Variants in DNAJC3 observed in about 807,000 individuals in gnomAD.
DNAJC3 encodes DnaJ heat shock protein family (Hsp40) member C3.
In DNAJC3, 38 loss-of-function variants were observed where a neutral mutation model predicts 68.6. That is an observed-to-expected ratio of 0.55 (90% CI 0.43 to 0.73). The LOEUF (loss-of-function observed/expected upper bound fraction) is 0.73, where lower values mean the gene tolerates loss of function less well. Ranked by LOEUF, DNAJC3 falls within the 30% of genes least tolerant of loss-of-function variation. The probability of loss-of-function intolerance (pLI) is 0.00; values close to 1 mark genes in which losing one functional copy is unlikely to be tolerated. For missense variants in DNAJC3, 526 were observed against 591.9 expected (o/e 0.89, Z 1.16); for synonymous variants, 203 against 204.0 (o/e 1.00, Z 0.04).
intron 2 of DNAJC3, among the ~76,000 whole-genome samples, chr13:95,717,328 C>G (rs1269270115): frequency 6.6e-6 from 1 of 152,180 alleles, no homozygotes; most frequent in Non-Finnish European, 1.5e-5. Flanking sequence ...GCTTTCTCAT[C>G]ACATTTCAAC....
chr13:95,700,094 T>G (rs1566472720), intron 1 of DNAJC3, among the ~76,000 whole-genome samples: 1 of 152,154 alleles, frequency 6.6e-6, no homozygotes, highest in South Asian at 2.1e-4. Flanking sequence ...GGATAATAGA[T>G]GTGAGCCATT....
intron 1 of DNAJC3, among the ~76,000 whole-genome samples, chr13:95,685,176 G>T (rs1405770166): frequency 6.6e-6 from 1 of 152,256 alleles, no homozygotes; most frequent in Non-Finnish European, 1.5e-5. Context: ...CAGCCGCGTG[G>T]GCTGAGCCCT....
chr13:95,726,992 A>G (rs563323657), intron 4 of DNAJC3, among the ~76,000 whole-genome samples: 28 of 152,130 alleles, frequency 1.8e-4, no homozygotes, highest in African/African-American at 2.7e-4. Flanking sequence ...CTTTTTATCT[A>G]TCTCCCCTCC....
intron 4 of DNAJC3, among the ~76,000 whole-genome samples, chr13:95,747,478 A>G (rs960152093): frequency 5.3e-5 from 8 of 152,218 alleles, no homozygotes; most frequent in African/African-American, 1.9e-4. Context: ...AGAGGCAAGC[A>G]TGTGCCTGTC....
intron 4 of DNAJC3, among the ~76,000 whole-genome samples, chr13:95,735,212 G>T (rs1426656394): frequency 3.1e-5 from 4 of 128,916 alleles, no homozygotes; most frequent in Non-Finnish European, 6.4e-5. Context: ...TCTTAATCCA[G>T]TCTATCATTG....
At chr13:95,756,810 A>G (rs569903582) in intron 4 of DNAJC3, among the ~76,000 whole-genome samples, 2 of 152,198 alleles carry the variant, frequency 1.3e-5, no homozygotes, top group African/African-American at 4.8e-5. Flanking sequence ...GTTTTCTGAG[A>G]TAATTATTTT....
At chr13:95,701,171 T>C (rs771215262) in intron 1 of DNAJC3, among the ~76,000 whole-genome samples, 28 of 152,202 alleles carry the variant, frequency 1.8e-4, no homozygotes, top group Non-Finnish European at 3.5e-4. Flanking sequence ...ATGGGAGATA[T>C]TTGGTATCAT....
chr13:95,773,907 T>C (rs1273762663), intron 9 of DNAJC3, among the ~76,000 whole-genome samples: 1 of 151,978 alleles, frequency 6.6e-6, no homozygotes, highest in Non-Finnish European at 1.5e-5. Context: ...CAGCTAATAT[T>C]TTGTATTTTA....
At chr13:95,766,395 T>A (rs1882994059) in intron 9 of DNAJC3, among the ~76,000 whole-genome samples, 1 of 152,228 alleles carries the variant, frequency 6.6e-6, no homozygotes, top group Non-Finnish European at 1.5e-5. Context: ...GTCTCTGTTT[T>A]AATAGCTTTT....
intron 4 of DNAJC3, among the ~76,000 whole-genome samples, chr13:95,752,528 G>A (rs1882511766): frequency 6.6e-6 from 1 of 152,128 alleles, no homozygotes; most frequent in African/African-American, 2.4e-5. Context: ...GGTAGAAAAG[G>A]AAGAATGTTT....
intron 1 of DNAJC3, among the ~76,000 whole-genome samples, chr13:95,687,878 T>A (rs1184602985): frequency 2.0e-5 from 3 of 152,220 alleles, no homozygotes; most frequent in Non-Finnish European, 4.4e-5. Flanking sequence ...GTATGGCCAT[T>A]TTAATGATAT....
At chr13:95,765,860 A>G (rs1442194112) in intron 9 of DNAJC3, among the ~76,000 whole-genome samples, 1 of 152,070 alleles carries the variant, frequency 6.6e-6, no homozygotes, top group African/African-American at 2.4e-5. Context: ...GGCCCTGCCC[A>G]ATTGATATGT....
At chr13:95,742,109 C>G (rs961008707) in intron 4 of DNAJC3, among the ~76,000 whole-genome samples, 10 of 152,178 alleles carry the variant, frequency 6.6e-5, no homozygotes, top group Non-Finnish European at 1.3e-4. Context: ...GGAGCACACA[C>G]TTTGTCCCTA....
intron 4 of DNAJC3, among the ~76,000 whole-genome samples, chr13:95,732,307 G>T (rs1187411227): frequency 5.3e-5 from 8 of 152,066 alleles, no homozygotes; most frequent in Admixed American, 4.6e-4. Flanking sequence ...ATCCAGTCCT[G>T]GGCTTTTCTT....
At chr13:95,740,173 G>C (rs1477381663) in intron 4 of DNAJC3, among the ~76,000 whole-genome samples, 1 of 152,242 alleles carries the variant, frequency 6.6e-6, no homozygotes, top group African/African-American at 2.4e-5. Context: ...CCCGTTCTCA[G>C]ATCTCCAGCT....
At chr13:95,696,437 A>C (rs1880441285) in intron 1 of DNAJC3, among the ~76,000 whole-genome samples, 1 of 152,200 alleles carries the variant, frequency 6.6e-6, no homozygotes. Flanking sequence ...ATTTCACTTA[A>C]ATAAGACGTC....
At chr13:95,736,976 T>C (rs1184545208) in intron 4 of DNAJC3, among the ~76,000 whole-genome samples, 3 of 151,706 alleles carry the variant, frequency 2.0e-5, no homozygotes, top group Non-Finnish European at 4.4e-5. Flanking sequence ...ATAGCTCTTA[T>C]TATTTTGAAA....
In DNAJC3 at chr13:95,710,670, T is replaced by C. The variant is rs1345191742; in HGVS notation, c.193+1333T>C. On this transcript the variant is annotated intron_variant, in intron 2 of 11. Coordinates refer to ENST00000602402, the MANE Select transcript of DNAJC3 (RefSeq NM_006260.5). Reference sequence around the variant, plus strand: ...AACAACCGAGGGTGGTGTTTTGTTTTGTTTTGTTTTGTTTTTGTTTTTGTT... The same window carrying C: ...AACAACCGAGGGTGGTGTTTTGTTTCGTTTTGTTTTGTTTTTGTTTTTGTT... Among the ~76,000 whole-genome samples the C allele has an allele frequency of 4.0e-5, 6 of 151,274 alleles. No homozygotes were observed. In the East Asian group the frequency reaches 5.8e-4, roughly 15 times the overall value.
chr13:95,749,869 G>A (rs1189651151), intron 4 of DNAJC3, among the ~76,000 whole-genome samples: 3 of 152,158 alleles, frequency 2.0e-5, no homozygotes, highest in African/African-American at 7.2e-5. Flanking sequence ...CCAACAAGAT[G>A]AAACTCTGTC....
Sources: gnomAD v4.1 joint callset for allele counts (sites outside exome capture counted in the v4.1 genomes callset) on GRCh38, gnomAD v4.1.1 for gene constraint, MANE v1.5 for transcripts, NCBI Gene and HGNC (gene_info 2026-07-23, HGNC 2026-07-21) for gene names.